Variants in ATAD2B observed in about 807,000 individuals in gnomAD.
ATAD2B encodes the protein ATPase family AAA domain-containing protein 2B.
Under a neutral mutation model 167.6 loss-of-function variants are expected in ATAD2B, and 40 were observed. The observed-to-expected ratio is 0.24, with a 90% CI of 0.19 to 0.31. The LOEUF (loss-of-function observed/expected upper bound fraction) is 0.31, where lower values mean the gene tolerates loss of function less well. Ranked by LOEUF, ATAD2B falls within the 10% of genes least tolerant of loss-of-function variation. The pLI is 1.00. For missense variants in ATAD2B, 1,242 were observed against 1,757.2 expected (o/e 0.71, Z 5.24); for synonymous variants, 579 against 596.5 (o/e 0.97, Z 0.43).
chr2:23,763,162 T>C (rs891543571), intron 23 of ATAD2B, among the ~76,000 whole-genome samples: 2 of 152,224 alleles, frequency 1.3e-5, no homozygotes, highest in African/African-American at 2.4e-5. Context: ...CCTATCTAGA[T>C]TGGGAGTATT....
At position 23,887,965 on chromosome 2, in the gene ATAD2B, G is replaced by A. The variant is rs1315732917; in HGVS notation, c.439C>T (p.Arg147Ter). The change falls in exon 4 of 28, where the codon CGA becomes TGA. Residue 147 changes from arginine (R) to a stop codon, truncating the protein, a stop_gained. Coordinates refer to ENST00000238789, the MANE Select transcript of ATAD2B (RefSeq NM_017552.4). LOFTEE classifies it high-confidence loss of function. ...TCCCCATCTCCCTTCTTTTCCCCTC[G>A]AAGGGGATGGCTTCGAAGGGCTACA... ...SGLSLRSHPL[R>*]GEKKGDGDLS... 1 of 1,595,678 alleles carries A rather than the reference G, an allele frequency of 6.3e-7. No individual in the cohort carries two copies. The highest frequency in any genetic ancestry group is 8.5e-7 in the Non-Finnish European group (1 of 1,173,350).
rs562570872 is a variant in ATAD2B at position 23,867,792 on chromosome 2, T to C, written c.1188+43A>G. 4.1e-6 allele frequency: 6 copies of C among 1,446,286 alleles called. No individual in the cohort carries two copies. The South Asian group carries it at 6.1e-5, about 15-fold the overall frequency. The allele number at this position is 1,446,286 out of a possible 1,614,324, so 89.6% of individuals were successfully genotyped here. A position where few individuals can be genotyped will look rare whatever the true frequency, so the allele number is the denominator to read the frequency against. ...TGCTTTAGAAACAAGAAAAAAACTTTTAAAAAAAAGAAAACTTCTAGAAAA... is the reference window on the plus strand; with the variant it reads ...TGCTTTAGAAACAAGAAAAAAACTTCTAAAAAAAAGAAAACTTCTAGAAAA... On this transcript the variant is annotated intron_variant, in intron 10 of 27. Transcript: ENST00000238789.
At chr2:23,920,313 C>CT (rs1703725785) in intron 1 of ATAD2B, among the ~76,000 whole-genome samples, 1 of 152,226 alleles carries the variant, frequency 6.6e-6, no homozygotes, top group Non-Finnish European at 1.5e-5. Context: ...TCTTACCACA[C>CT]TAAGTATCCA....
chr2:23,739,149 G>A, the ATAD2B span, among the ~76,000 whole-genome samples: 22 of 151,978 alleles, frequency 1.4e-4, no homozygotes, highest in African/African-American at 3.6e-4. Flanking sequence ...AACGAGACAG[G>A]AAGTTAACAA....
At chr2:23,878,025 A>AAAAAAAAAAAAAAC (rs1697244692) in intron 7 of ATAD2B, among the ~76,000 whole-genome samples, 2 of 106,972 alleles carry the variant, frequency 1.9e-5, no homozygotes, top group South Asian at 3.0e-4. Flanking sequence ...AAAAAAAAAA[A>AAAAAAAAAAAAAAC]AAAAAAAAAA....
At chr2:23,774,278 C>CAT (rs999198972) in intron 22 of ATAD2B, among the ~76,000 whole-genome samples, 2 of 152,014 alleles carry the variant, frequency 1.3e-5, no homozygotes, top group African/African-American at 4.8e-5. Flanking sequence ...AGCAAGATCC[C>CAT]ATCTCTACAA....
intron 1 of ATAD2B, among the ~76,000 whole-genome samples, chr2:23,923,731 T>C (rs192688448): frequency 2.0e-5 from 3 of 151,478 alleles, no homozygotes; most frequent in Admixed American, 6.6e-5. Flanking sequence ...TTTTCCCCCA[T>C]CCTATGCATA....
intron 24 of ATAD2B, among the ~76,000 whole-genome samples, chr2:23,759,263 A>G (rs139868775): frequency 1.8e-4 from 27 of 152,302 alleles, no homozygotes; most frequent in Non-Finnish European, 2.2e-4. Flanking sequence ...GACAATATAT[A>G]TGTTTAATAC....
At chr2:23,703,580 C>A in the ATAD2B span, 2 of 1,194,402 alleles carry the variant, frequency 1.7e-6, no homozygotes, top group Non-Finnish European at 2.3e-6. Flanking sequence ...TCCCCTAGGC[C>A]CCGGACCCAT....
intron 1 of ATAD2B, among the ~76,000 whole-genome samples, chr2:23,914,470 G>A (rs1473478173): frequency 6.6e-6 from 1 of 152,140 alleles, no homozygotes; most frequent in African/African-American, 2.4e-5. Context: ...TGGACATAAA[G>A]AGTTACCCAA....
chr2:23,809,802 C>T (rs1389789044), intron 18 of ATAD2B, among the ~76,000 whole-genome samples: 1 of 152,112 alleles, frequency 6.6e-6, no homozygotes, highest in African/African-American at 2.4e-5. Context: ...TAAACAGCCC[C>T]ACTAGAACTT....
At chr2:23,861,838 C>G (rs908402459) in intron 12 of ATAD2B, among the ~76,000 whole-genome samples, 2 of 152,164 alleles carry the variant, frequency 1.3e-5, no homozygotes, top group Non-Finnish European at 2.9e-5. Flanking sequence ...ACACTGGACA[C>G]GTTCAAGGTA....
chr2:23,768,038 T>C (rs1490475032), intron 22 of ATAD2B, among the ~76,000 whole-genome samples: 1 of 152,196 alleles, frequency 6.6e-6, no homozygotes, highest in African/African-American at 2.4e-5. Flanking sequence ...TGTAAGCACA[T>C]GAATATGTGT....
intron 16 of ATAD2B, among the ~76,000 whole-genome samples, chr2:23,822,008 C>T (rs1347534191): frequency 6.6e-6 from 1 of 152,070 alleles, no homozygotes; most frequent in Non-Finnish European, 1.5e-5. Flanking sequence ...GTGCAAAGTA[C>T]AATCTGAGGC....
chr2:23,926,816 A>G lies in ATAD2B; in HGVS notation c.-46T>C, dbSNP rs1344390036. 6.8e-7 allele frequency: 1 copy of G among 1,462,140 alleles called. No homozygotes were observed. Among genetic ancestry groups the G allele is most frequent in the Non-Finnish European group, 9.0e-7 (1 of 1,107,622 alleles). 90.6% of individuals were successfully genotyped at this position (1,462,140 alleles called of 1,614,324 possible). A position where few individuals can be genotyped will look rare whatever the true frequency, so the allele number is the denominator to read the frequency against. ...GTCCACGCCGCGCCCGGGAGAGCCG[A>G]GCAAGGCCGGCCCGCCGGCCGGTCA... is the stretch of plus-strand genomic sequence containing the variant. On this transcript the variant is annotated 5_prime_UTR_variant, in exon 1 of 28. Transcript: ENST00000238789.
intron 24 of ATAD2B, among the ~76,000 whole-genome samples, chr2:23,758,717 A>G (rs1318459175): frequency 6.6e-6 from 1 of 152,220 alleles, no homozygotes; most frequent in Non-Finnish European, 1.5e-5. Flanking sequence ...TTCTAGCACA[A>G]ACAGTTCACC....
intron 8 of ATAD2B, among the ~76,000 whole-genome samples, chr2:23,870,932 G>C (rs1286479763): frequency 6.6e-6 from 1 of 152,058 alleles, no homozygotes; most frequent in Non-Finnish European, 1.5e-5. Context: ...ATGAATGCCA[G>C]ATTATTAGTA....
chr2:23,760,729 CATAT>C (rs1553373352), intron 24 of ATAD2B, among the ~76,000 whole-genome samples: 9 of 127,226 alleles, frequency 7.1e-5, no homozygotes, highest in African/African-American at 1.5e-4. Flanking sequence ...CACACACACA[CATAT>C]ACACACACAC....
chr2:23,809,022 T>A (rs1451186116), intron 18 of ATAD2B: 1 of 152,310 alleles, frequency 6.6e-6, no homozygotes, highest in East Asian at 1.9e-4. Context: ...GGTTTTAAGA[T>A]ACTTGCTGAA....
Sources: gnomAD v4.1 joint callset for allele counts (sites outside exome capture counted in the v4.1 genomes callset) on GRCh38, gnomAD v4.1.1 for gene constraint, MANE v1.5 for transcripts, NCBI Gene and HGNC (gene_info 2026-07-23, HGNC 2026-07-21) for gene names.